The following ACTA2 variants were observed in gnomAD, a reference collection of about 807,000 sequenced individuals.
ACTA2 encodes the protein actin alpha 2, smooth muscle, also known as actin, aortic smooth muscle.
Under a neutral mutation model 39.5 loss-of-function variants are expected in ACTA2, and 12 were observed. The observed-to-expected ratio is 0.30, with a 90% CI of 0.19 to 0.49. ACTA2 has a LOEUF of 0.49. ACTA2 is among the 20% of genes least tolerant of loss of function. The pLI is 0.99. For synonymous variants in ACTA2, 158 were observed against 180.6 expected, an observed-to-expected ratio of 0.88 and a Z score of 1.00; for missense variants, 236 against 498.8, an observed-to-expected ratio of 0.47 and a Z score of 5.02.
chr10:88,964,285 C>A (rs1257119773), intron 1 of ACTA2, among the ~76,000 whole-genome samples: 2 of 152,034 alleles, frequency 1.3e-5, no homozygotes, highest in Non-Finnish European at 2.9e-5. Flanking sequence ...ATAGGCTTCA[C>A]GTATATATGG....
At chr10:88,954,943 C>T (rs186071173), upstream of ACTA2, among the ~76,000 whole-genome samples, 18 of 149,796 alleles carry the variant, frequency 1.2e-4, no homozygotes, top group Admixed American at 1.1e-3. Flanking sequence ...AGCCAAGCGG[C>T]CAGATACTTC....
intron 1 of ACTA2, among the ~76,000 whole-genome samples, chr10:88,983,242 C>A (rs781093553): frequency 4.6e-5 from 7 of 152,170 alleles, no homozygotes; most frequent in Non-Finnish European, 7.4e-5. Context: ...TCTTACTTAG[C>A]AGACTTACCC....
At position 88,987,649 on chromosome 10, in the gene ACTA2, C is replaced by G. The variant is rs1846943760; in HGVS notation, c.-24+3290G>C. On this transcript the variant is annotated intron_variant, in intron 1 of 4. Coordinates refer to the ACTA2 transcript ENST00000415557. ...TCCAGTAAAGATCCCAAAATCTACTCCAACTGAATGTGATGTGCTGATTGG... is the reference window on the plus strand; with the variant it reads ...TCCAGTAAAGATCCCAAAATCTACTGCAACTGAATGTGATGTGCTGATTGG... 2.0e-5 allele frequency among the ~76,000 whole-genome samples: 3 copies of G among 152,236 alleles called. No homozygotes were observed. In the South Asian group the frequency reaches 6.2e-4, roughly 31 times the overall value.
intron 1 of ACTA2, among the ~76,000 whole-genome samples, chr10:88,980,705 C>T (rs557508831): frequency 5.9e-5 from 9 of 152,290 alleles, no homozygotes; most frequent in African/African-American, 2.2e-4. Context: ...AAATGTCCCC[C>T]CTCTGGAGCA....
chr10:88,983,755 A>T (rs528668623), intron 1 of ACTA2, among the ~76,000 whole-genome samples: 2 of 152,038 alleles, frequency 1.3e-5, no homozygotes, highest in South Asian at 4.2e-4. Flanking sequence ...TCCTTTCAAC[A>T]TATTTGTGTG....
rs553942058 is a variant in ACTA2 at position 88,942,101 on chromosome 10, T to G, written c.370-232A>C. The stretch of plus-strand genomic sequence containing the variant: ...AGGGTGGGGAGGGGAAGAAACAGTG[T>G]GCACACAAGGTTTGGCCAGGGGAAA... On this transcript the variant is annotated intron_variant, in intron 4 of 8. Transcript: ENST00000224784. Among the ~76,000 whole-genome samples, 6 of 152,278 alleles carry G rather than the reference T, an allele frequency of 3.9e-5. No individual in the cohort carries two copies. The South Asian group carries it at 1.2e-3, about 32-fold the overall frequency.
chr10:88,988,512 A>C (rs116310164), intron 1 of ACTA2, among the ~76,000 whole-genome samples: 1 of 151,602 alleles, frequency 6.6e-6, no homozygotes, highest in African/African-American at 2.4e-5. Context: ...ATGTTCAGAA[A>C]CCAGGATATC....
At chr10:88,935,464 T>G in intron 8 of ACTA2, 98 bp from the exon 9 acceptor site, 1 of 1,410,858 alleles carries the variant, frequency 7.1e-7, no homozygotes, top group Non-Finnish European at 1.0e-6. Flanking sequence ...ATGGCCTAGT[T>G]TCTTGTTCAG....
chr10:88,945,378 C>G (rs1426035090), intron 3 of ACTA2, among the ~76,000 whole-genome samples: 2 of 152,140 alleles, frequency 1.3e-5, no homozygotes, highest in African/African-American at 4.8e-5. Context: ...TAAATTCTAA[C>G]AACATTATGT....
chr10:88,940,773 A>G (rs1385841129), intron 6 of ACTA2: 1 of 252,256 alleles, frequency 4.0e-6, no homozygotes, highest in Non-Finnish European at 7.9e-6. Context: ...TTTAATACTG[A>G]TAACAATCAT....
At chr10:88,957,776 CT>C (rs373130549) in intron 1 of ACTA2, among the ~76,000 whole-genome samples, 15 of 151,404 alleles carry the variant, frequency 9.9e-5, no homozygotes, top group African/African-American at 3.4e-4. Context: ...CTACCCACTT[CT>C]TTTTTTTTGA....
At chr10:88,973,150 C>G in intron 1 of ACTA2, 10 of 1,580,730 alleles carry the variant, frequency 6.3e-6, no homozygotes, top group East Asian at 2.3e-5. Context: ...TCCCAATCCT[C>G]TCACCTTCCC....
At chr10:88,948,708 T>A in intron 2 of ACTA2, 94 bp downstream of exon 2, 1 of 1,567,350 alleles carries the variant, frequency 6.4e-7, no homozygotes, top group Admixed American at 1.7e-5. Context: ...TTACATAACT[T>A]CTGGGCAGAA....
At chr10:88,962,413 A>G (rs1846239585) in intron 1 of ACTA2, among the ~76,000 whole-genome samples, 1 of 152,160 alleles carries the variant, frequency 6.6e-6, no homozygotes, top group Non-Finnish European at 1.5e-5. Context: ...AAACAAAAGT[A>G]TGAAATGTCA....
At chr10:88,939,807 G>A (rs1845815467) in intron 6 of ACTA2, 109 bp from the exon 7 acceptor site, 8 of 1,172,770 alleles carry the variant, frequency 6.8e-6, no homozygotes, top group Middle Eastern at 2.0e-4. Context: ...ATCAAAAAAT[G>A]TGTCAGTTCA....
At position 88,990,563 on chromosome 10, in the gene ACTA2, A is replaced by G. The variant is rs1847101419; in HGVS notation, c.-24+376T>C. Reference sequence around the variant, plus strand: ...GCGCGCAGGCCAAGTTGCTGAATCAATGGAGCCCTCCCCAACCCGGGCGTT... The same window carrying G: ...GCGCGCAGGCCAAGTTGCTGAATCAGTGGAGCCCTCCCCAACCCGGGCGTT... On this transcript the variant is annotated intron_variant, in intron 1 of 4. Coordinates refer to the ACTA2 transcript ENST00000415557. The surrounding 1 kb of genome is among the most constrained non-coding windows in gnomAD (Gnocchi z 4.9). 1 of 644,884 alleles carries G rather than the reference A, an allele frequency of 1.6e-6. No individual in the cohort carries two copies. The highest frequency in any genetic ancestry group is 3.0e-5 in the East Asian group (1 of 32,918). The allele number at this position is 644,884 out of a possible 1,614,324, so 39.9% of individuals were successfully genotyped here.
chr10:88,948,591 G>T, intron 2 of ACTA2: 1 of 588,886 alleles, frequency 1.7e-6, no homozygotes, highest in Non-Finnish European at 3.0e-6. Context: ...TGAAAAAGGG[G>T]CAGACTTTGT....
At chr10:88,940,965 TGGAGG>T in intron 6 of ACTA2, 2 of 422,536 alleles carry the variant, frequency 4.7e-6, no homozygotes, top group South Asian at 4.1e-5. Context: ...TATTTGCTAA[TGGAGG>T]GGATTAAAAA....
intron 6 of ACTA2, chr10:88,940,051 T>A (rs1845819838): frequency 3.2e-6 from 1 of 314,470 alleles, no homozygotes; most frequent in Non-Finnish European, 6.1e-6. Context: ...GTTATAATTA[T>A]TTTATGACAG....
Sources: allele counts gnomAD v4.1 joint callset (sites outside exome capture counted in the v4.1 genomes callset), GRCh38; gene constraint gnomAD v4.1.1; non-coding constraint Gnocchi (gnomAD v3.1); transcripts MANE v1.5; gene names NCBI Gene and HGNC (gene_info 2026-07-23, HGNC 2026-07-21).